CHRM3: variants seen among roughly 807,000 people sequenced by gnomAD.
CHRM3 encodes the protein muscarinic acetylcholine receptor M3.
CHRM3 carries 11 observed loss-of-function variants against 41.8 expected under a neutral mutation model. The ratio of observed to expected loss-of-function variants is 0.26; its 90% CI spans 0.17 to 0.44. CHRM3 has a LOEUF of 0.44. CHRM3 is among the 20% of genes least tolerant of loss of function. The pLI, the probability that CHRM3 is intolerant of heterozygous loss-of-function variation, is 1.00. For missense variants in CHRM3, 571 were observed against 745.4 expected, an observed-to-expected ratio of 0.77 and a Z score of 2.72; for synonymous variants, 297 against 301.4, an observed-to-expected ratio of 0.99 and a Z score of 0.15.
intron 5 of CHRM3, among the ~76,000 whole-genome samples, chr1:239,697,586 A>G (rs546880316): frequency 6.4e-4 from 97 of 152,318 alleles, no homozygotes; most frequent in Non-Finnish European, 1.2e-3. Flanking sequence ...GTTTGAGTGC[A>G]GAGAAACCAG....
At chr1:239,831,323 TC>T (rs934450872) in intron 6 of CHRM3, among the ~76,000 whole-genome samples, 4 of 152,054 alleles carry the variant, frequency 2.6e-5, no homozygotes, top group Non-Finnish European at 4.4e-5. Context: ...TGGTGGTCAC[TC>T]CCCTCGGGCC....
At chr1:239,641,154 T>C (rs1401483695) in intron 4 of CHRM3, among the ~76,000 whole-genome samples, 1 of 152,182 alleles carries the variant, frequency 6.6e-6, no homozygotes, top group Non-Finnish European at 1.5e-5. Context: ...TTCTGTTCTT[T>C]TACATTTGCT....
chr1:239,603,913 G>T (rs1665919202), intron 3 of CHRM3, among the ~76,000 whole-genome samples: 1 of 151,832 alleles, frequency 6.6e-6, no homozygotes, highest in South Asian at 2.1e-4. Flanking sequence ...AGCAAATTAT[G>T]GTCCAAGTTC....
chr1:239,406,798 G>T (rs970836401), intron 1 of CHRM3, among the ~76,000 whole-genome samples: 1 of 152,160 alleles, frequency 6.6e-6, no homozygotes, highest in African/African-American at 2.4e-5. Flanking sequence ...AGGCAGCTAG[G>T]TTCAGGAGGG....
intron 6 of CHRM3, among the ~76,000 whole-genome samples, chr1:239,866,221 C>CA (rs1350975493): frequency 6.6e-6 from 1 of 151,850 alleles, no homozygotes; most frequent in Non-Finnish European, 1.5e-5. Context: ...ACTAAAAATA[C>CA]AAAAAATTAG....
At chr1:239,633,733 T>G (rs997699869) in intron 4 of CHRM3, among the ~76,000 whole-genome samples, 5 of 100,360 alleles carry the variant, frequency 5.0e-5, no homozygotes, top group Non-Finnish European at 8.0e-5. Context: ...CACCCACCCC[T>G]TCTTGCAATC....
intron 3 of CHRM3, among the ~76,000 whole-genome samples, chr1:239,568,992 T>C (rs1201532742): frequency 1.3e-5 from 2 of 152,056 alleles, no homozygotes; most frequent in East Asian, 3.9e-4. Context: ...TTTGTTGTTA[T>C]TTTTTTCCCA....
At chr1:239,662,858 C>T (rs1241776145) in intron 4 of CHRM3, among the ~76,000 whole-genome samples, 9 of 76,212 alleles carry the variant, frequency 1.2e-4, no homozygotes, top group African/African-American at 4.1e-4. Flanking sequence ...TCTTCCTTCT[C>T]CTTCTCCTTT....
At chr1:239,769,897 A>G (rs1418170856) in intron 5 of CHRM3, among the ~76,000 whole-genome samples, 1 of 151,660 alleles carries the variant, frequency 6.6e-6, no homozygotes, top group Non-Finnish European at 1.5e-5. Context: ...AAAAAAAATT[A>G]TTTGCGTTGG....
At chr1:239,833,407 G>A (rs1180182831) in intron 6 of CHRM3, among the ~76,000 whole-genome samples, 1 of 152,176 alleles carries the variant, frequency 6.6e-6, no homozygotes, top group East Asian at 1.9e-4. Context: ...AGAACCAGGG[G>A]AGAGGAGGAG....
intron 5 of CHRM3, among the ~76,000 whole-genome samples, chr1:239,691,560 C>T (rs1013056297): frequency 6.6e-6 from 1 of 152,056 alleles, no homozygotes; most frequent in African/African-American, 2.4e-5. Context: ...TACCTGAAGA[C>T]AGATTAGAAT....
At chr1:239,663,597 C>T (rs1673481056) in intron 4 of CHRM3, among the ~76,000 whole-genome samples, 1 of 152,182 alleles carries the variant, frequency 6.6e-6, no homozygotes, top group African/African-American at 2.4e-5. Context: ...ATAACTAAAA[C>T]TGAAGCTTTA....
intron 5 of CHRM3, among the ~76,000 whole-genome samples, chr1:239,785,682 T>C (rs1668835527): frequency 6.6e-6 from 1 of 152,224 alleles, no homozygotes; most frequent in Admixed American, 6.5e-5. Flanking sequence ...TAGTTTTGCC[T>C]TGGACAACTT....
intron 5 of CHRM3, among the ~76,000 whole-genome samples, chr1:239,746,852 G>C (rs921146141): frequency 6.6e-6 from 1 of 151,932 alleles, no homozygotes; most frequent in Non-Finnish European, 1.5e-5. Flanking sequence ...CTGCCTCCCG[G>C]GTTCAAGTGA....
At chr1:239,714,416 G>T (rs548687286) in intron 5 of CHRM3, among the ~76,000 whole-genome samples, 29 of 152,302 alleles carry the variant, frequency 1.9e-4, no homozygotes, top group African/African-American at 6.7e-4. Context: ...AGAATGCTCA[G>T]GGGACGTTTC....
intron 1 of CHRM3, among the ~76,000 whole-genome samples, chr1:239,410,545 A>G (rs1159057930): frequency 6.6e-6 from 1 of 152,126 alleles, no homozygotes; most frequent in Non-Finnish European, 1.5e-5. Flanking sequence ...CAGAAGACAC[A>G]TCCTGGTGTC....
At chr1:239,581,823 G>T (rs1222233518) in intron 3 of CHRM3, among the ~76,000 whole-genome samples, 3 of 152,128 alleles carry the variant, frequency 2.0e-5, no homozygotes, top group African/African-American at 7.2e-5. Context: ...TGAGTCTAAA[G>T]CCTGTGTGTC....
chr1:239,638,258 A>G (rs1407080396), intron 4 of CHRM3, among the ~76,000 whole-genome samples: 6 of 151,566 alleles, frequency 4.0e-5, no homozygotes, highest in Admixed American at 3.3e-4. Flanking sequence ...CATGATTTAT[A>G]GTCCTTTGGG....
At chr1:239,593,629 T>C (rs1331956125) in intron 3 of CHRM3, among the ~76,000 whole-genome samples, 2 of 152,126 alleles carry the variant, frequency 1.3e-5, no homozygotes, top group African/African-American at 4.8e-5. Flanking sequence ...TTCAATACGG[T>C]AGCAATTCTC....
Sources: allele counts gnomAD v4.1 joint callset (sites outside exome capture counted in the v4.1 genomes callset), GRCh38; gene constraint gnomAD v4.1.1; transcripts MANE v1.5; gene names NCBI Gene and HGNC (gene_info 2026-07-23, HGNC 2026-07-21).